TMEM177: variants seen among roughly 807,000 people sequenced by gnomAD.
The protein encoded by TMEM177 is transmembrane protein 177.
Under a neutral mutation model 14.2 loss-of-function variants are expected in TMEM177, and 4 were observed. The ratio of observed to expected loss-of-function variants is 0.28; its 90% CI spans 0.14 to 0.64. TMEM177 has a LOEUF of 0.64. TMEM177 is among the 30% of genes least tolerant of loss of function. The pLI is 0.82. For missense variants in TMEM177, 344 were observed against 405.2 expected, an observed-to-expected ratio of 0.85 and a Z score of 1.30; for synonymous variants, 179 against 174.5, an observed-to-expected ratio of 1.03 and a Z score of -0.20.
chr2:119,693,634 G>A, the TMEM177 span, among the ~76,000 whole-genome samples: 1 of 152,134 alleles, frequency 6.6e-6, no homozygotes, highest in African/African-American at 2.4e-5. Flanking sequence ...TTTTAGGGAA[G>A]CCAACACTGA....
chr2:119,701,383 T>C, the TMEM177 span, among the ~76,000 whole-genome samples: 1 of 152,110 alleles, frequency 6.6e-6, no homozygotes, highest in Non-Finnish European at 1.5e-5. Flanking sequence ...AAAAGCGGGT[T>C]CTGGGTCCTG....
chr2:119,685,759 C>T (rs1231277297), downstream of TMEM177: 25 of 717,534 alleles, frequency 3.5e-5, no homozygotes, highest in East Asian at 5.4e-4. Flanking sequence ...TTCCAGGTAT[C>T]GTTCTTAAAA....
chr2:119,705,528 TC>T, the TMEM177 span, among the ~76,000 whole-genome samples: 1 of 152,090 alleles, frequency 6.6e-6, no homozygotes, highest in African/African-American at 2.4e-5. Context: ...TGTCCATAGT[TC>T]CTTGTTATGT....
chr2:119,718,307 A>T, the TMEM177 span, among the ~76,000 whole-genome samples: 155 of 152,154 alleles, frequency 1.0e-3, no homozygotes, highest in African/African-American at 3.4e-3. Context: ...CATTTCCCCC[A>T]CTAAGGAGCA....
chr2:119,690,284 C>T (rs910637613), downstream of TMEM177, among the ~76,000 whole-genome samples: 8 of 151,964 alleles, frequency 5.3e-5, no homozygotes, highest in African/African-American at 1.5e-4. Flanking sequence ...TCGTGTAGGA[C>T]GTGCCTGCTT....
chr2:119,681,784 T>A lies in TMEM177; in HGVS notation c.931T>A (p.Ser311Thr). 3 of 1,611,316 alleles carry A rather than the reference T, an allele frequency of 1.9e-6. No homozygotes were observed. Among genetic ancestry groups the A allele is most frequent in the Admixed American group, 1.7e-5 (1 of 59,920 alleles). ...GAGGGGGATGCTCAATCCGGGCCGC[T>A]CCTGATGGGCTCATCACAAGGACAC... Reference protein sequence around the residue: ...MWRGMLNPGRS With the variant: ...MWRGMLNPGRT The change falls in exon 2 of 2, where the codon TCC (serine) becomes ACC (threonine). Residue 311 changes from serine (S) to threonine (T), a missense_variant. Transcript: ENST00000272521.
At chr2:119,718,951 C>T in the TMEM177 span, among the ~76,000 whole-genome samples, 1 of 152,242 alleles carries the variant, frequency 6.6e-6, no homozygotes, top group South Asian at 2.1e-4. Flanking sequence ...TATTGCCTGG[C>T]AATGTTGTTA....
the TMEM177 span, among the ~76,000 whole-genome samples, chr2:119,702,747 G>A: frequency 1.3e-5 from 2 of 152,320 alleles, no homozygotes; most frequent in East Asian, 1.9e-4. Context: ...GATTGCAGAA[G>A]GCTTCCTGGA....
chr2:119,716,744 A>G, the TMEM177 span, among the ~76,000 whole-genome samples: 1 of 152,194 alleles, frequency 6.6e-6, no homozygotes, highest in African/African-American at 2.4e-5. Context: ...AAATGCAATT[A>G]TTTGGGGGTC....
chr2:119,688,351 G>A (rs1023668480), downstream of TMEM177, among the ~76,000 whole-genome samples: 7 of 152,132 alleles, frequency 4.6e-5, no homozygotes, highest in African/African-American at 1.2e-4. Context: ...TTACGGTCAC[G>A]CATCACTTAA....
the TMEM177 span, among the ~76,000 whole-genome samples, chr2:119,692,399 A>T: frequency 6.6e-6 from 1 of 152,236 alleles, no homozygotes; most frequent in Non-Finnish European, 1.5e-5. Context: ...AGCCAGTGTG[A>T]AGGCCTGTGG....
the TMEM177 span, chr2:119,699,877 TTG>T: frequency 2.3e-6 from 1 of 435,470 alleles, no homozygotes; most frequent in East Asian, 6.4e-5. Flanking sequence ...TGAGTTTTTG[TTG>T]CACTAGCTTA....
At chr2:119,685,439 G>A (rs532096920), downstream of TMEM177, among the ~76,000 whole-genome samples, 3 of 152,064 alleles carry the variant, frequency 2.0e-5, no homozygotes, top group East Asian at 1.9e-4. Context: ...ACACAAACCT[G>A]ATCCCCATGT....
At chr2:119,693,588 T>A in the TMEM177 span, among the ~76,000 whole-genome samples, 1 of 152,160 alleles carries the variant, frequency 6.6e-6, no homozygotes, top group South Asian at 2.1e-4. Context: ...CTCTCTGAGC[T>A]GACCCGTGTG....
At chr2:119,691,436 G>C (rs1178057848), downstream of TMEM177, among the ~76,000 whole-genome samples, 2 of 152,142 alleles carry the variant, frequency 1.3e-5, no homozygotes, top group Non-Finnish European at 2.9e-5. Context: ...GACTGAATTA[G>C]AGCTGGCCCA....
At chr2:119,705,619 C>CATGTGT in the TMEM177 span, among the ~76,000 whole-genome samples, 1 of 139,160 alleles carries the variant, frequency 7.2e-6, no homozygotes, top group African/African-American at 2.7e-5. Flanking sequence ...CACTCAGATC[C>CATGTGT]GTGTGTGTGT....
At chr2:119,686,213 G>T (rs115972525), downstream of TMEM177, 2,156 of 153,046 alleles carry the variant, frequency 0.014, 23 homozygotes, top group Non-Finnish European at 0.021. Flanking sequence ...TTTTGACGAT[G>T]AAAGTGAAAG....
At chr2:119,696,059 G>C in the TMEM177 span, among the ~76,000 whole-genome samples, 1 of 152,216 alleles carries the variant, frequency 6.6e-6, no homozygotes, top group Non-Finnish European at 1.5e-5. Flanking sequence ...AGCCACACTA[G>C]GGAGAGGCGC....
At chr2:119,687,011 C>G (rs1689025977), downstream of TMEM177, among the ~76,000 whole-genome samples, 1 of 152,184 alleles carries the variant, frequency 6.6e-6, no homozygotes, top group Non-Finnish European at 1.5e-5. Context: ...ATTTTTGGCC[C>G]TGGTTCATAA....
Sources: gnomAD v4.1 joint callset for allele counts (sites outside exome capture counted in the v4.1 genomes callset) on GRCh38, gnomAD v4.1.1 for gene constraint, MANE v1.5 for transcripts, NCBI Gene and HGNC (gene_info 2026-07-23, HGNC 2026-07-21) for gene names.